Variants in PACS2 observed in about 807,000 individuals in gnomAD.
PACS2 encodes phosphofurin acidic cluster sorting protein 2, also known as PACS1-like protein.
In PACS2, 36 loss-of-function variants were observed where a neutral mutation model predicts 113.0. That is an observed-to-expected ratio of 0.32 (90% CI 0.24 to 0.42). The LOEUF (loss-of-function observed/expected upper bound fraction) is 0.42. Ranked by LOEUF, PACS2 falls within the 10% of genes least tolerant of loss-of-function variation. The probability of loss-of-function intolerance (pLI) is 1.00; values close to 1 mark genes in which losing one functional copy is unlikely to be tolerated. For synonymous variants in PACS2, 589 were observed against 536.1 expected (o/e 1.10, Z -1.36); for missense variants, 1,015 against 1,239.5 (o/e 0.82, Z 2.72).
chr14:105,382,963 C>G (rs1555412507), intron 15 of PACS2, 50 bp downstream of exon 15: 1 of 1,087,672 alleles, frequency 9.2e-7, no homozygotes, highest in African/African-American at 1.5e-5. Context: ...CCTCGGGGTC[C>G]CTGCACCCCC....
rs587660093 is a variant in PACS2, at chr14:105,367,341, C to T, written c.552C>T (p.Ser184=). The change falls in exon 5 of 25, where the codon AGC becomes AGT. Residue 184 remains serine (S), a synonymous_variant. Transcript: ENST00000447393. ...GCCAGCCCATTGACCACGAAGACAG[C>T]ACCATGCAGGCCGGCCCCAAGGCCA... ...LSSQPIDHED[S]TMQAGPKAKS... is the part of the protein sequence containing the mutation. The T allele has an allele frequency of 6.2e-6, 10 of 1,613,392 alleles. No homozygotes were observed. The African/African-American group carries it at 1.1e-4, about 17-fold the overall frequency.
Position 105,357,636 on chromosome 14 carries a change from G to C in PACS2, c.423+2459G>C, listed in dbSNP as rs1419232926. 6.6e-6 allele frequency among the ~76,000 whole-genome samples: 1 copy of C among 152,182 alleles called. No individual in the cohort carries two copies. Among genetic ancestry groups the C allele is most frequent in the African/African-American group, 2.4e-5 (1 of 41,450 alleles). On this transcript the variant is annotated intron_variant, in intron 4 of 24. Transcript: ENST00000447393. The surrounding 1 kb of genome is among the most constrained non-coding windows in gnomAD (Gnocchi z 5.1). Reference sequence around the variant, plus strand: ...TCCCACCTGTGAGCGTTGCTGGCTTGTTGAGAGTATGAGCACGGGAGATTG... The same window carrying C: ...TCCCACCTGTGAGCGTTGCTGGCTTCTTGAGAGTATGAGCACGGGAGATTG...
In PACS2 at chr14:105,397,128, C is replaced by G. The variant is rs997557211; in HGVS notation, c.*2456C>G. On this transcript the variant is annotated 3_prime_UTR_variant, in exon 25 of 25. Coordinates refer to ENST00000447393, the MANE Select transcript of PACS2 (RefSeq NM_001100913.3). ...GCCCTGCACCCAGGAGCCCCACGGT[C>G]CATCCCCCACACCATGCCCAGCACC... The G allele has an allele frequency of 2.6e-5, 4 of 152,324 alleles. No individual in the cohort carries two copies. The highest frequency in any genetic ancestry group is 5.9e-5 in the Non-Finnish European group (4 of 68,112). 9.4% of individuals were successfully genotyped at this position (152,324 alleles called of 1,614,324 possible).
chr14:105,302,261 T>G (rs1182972337), intron 1 of PACS2, among the ~76,000 whole-genome samples: 1 of 149,326 alleles, frequency 6.7e-6, no homozygotes, highest in Admixed American at 6.7e-5. Flanking sequence ...TGGAGTGCAG[T>G]GGTGAGATAT....
rs1313577658 is a variant in PACS2, at chr14:105,376,037, C to T, written c.802-731C>T. ...GCACCTTCTTTATGGGGCAGCAGGT[C>T]GGAGTGGGTGCCTGCAGGGGAAATA... On this transcript the variant is annotated intron_variant, in intron 8 of 24. Coordinates refer to ENST00000447393, the MANE Select transcript of PACS2 (RefSeq NM_001100913.3). The surrounding 1 kb of genome is among the most constrained non-coding windows in gnomAD (Gnocchi z 4.7). Among the ~76,000 whole-genome samples, 2 of 152,226 alleles carry T rather than the reference C, an allele frequency of 1.3e-5. No individual in the cohort carries two copies. The highest frequency in any genetic ancestry group is 2.4e-5 in the African/African-American group (1 of 41,518).
chr14:105,382,924 C>T lies in PACS2; in HGVS notation c.1625+11C>T, dbSNP rs372584455. On this transcript the variant is annotated intron_variant, in intron 15 of 24. Transcript: ENST00000447393. ...ACGGATACAGAGATAGTGAGTTGGG[C>T]TCCACCCTGTACTCACCACCCAAGT... is the stretch of plus-strand genomic sequence containing the variant. 7 of 1,523,596 alleles carry T rather than the reference C, an allele frequency of 4.6e-6. No individual in the cohort carries two copies. The highest frequency in any genetic ancestry group is 4.1e-5 in the African/African-American group (3 of 73,390). 94.4% of individuals were successfully genotyped at this position (1,523,596 alleles called of 1,614,324 possible).
chr14:105,382,689 G>C (rs1052165326), intron 14 of PACS2, 108 bp downstream of exon 14: 2 of 958,520 alleles, frequency 2.1e-6, no homozygotes, highest in Non-Finnish European at 3.3e-6. Context: ...GCTGCTGGCT[G>C]TGGTTTGCCT....
At chr14:105,390,181 G>A (rs990759773) in intron 20 of PACS2, 178 bp downstream of exon 20, 5 of 681,568 alleles carry the variant, frequency 7.3e-6, no homozygotes, top group Middle Eastern at 2.7e-4. Context: ...GCTGGAGTGG[G>A]GTGTGGGGCC....
In PACS2 at chr14:105,367,372, A is replaced by G. The variant is rs374570964; in HGVS notation, c.583A>G (p.Thr195Ala). 5.0e-6 allele frequency: 8 copies of G among 1,612,866 alleles called. 1 individual carries two copies. The highest frequency in any genetic ancestry group is 4.2e-6 in the Non-Finnish European group (5 of 1,179,844). The part of the protein sequence containing the change: ...TMQAGPKAKS[T>A]DNYSEEEYES... ...GCAGGCCGGCCCCAAGGCCAAGTCCACGGGTGAGTGTGGTGCCAGCCCGCT... is the reference window on the plus strand; with the variant it reads ...GCAGGCCGGCCCCAAGGCCAAGTCCGCGGGTGAGTGTGGTGCCAGCCCGCT... Residue 195 changes from threonine to alanine, a missense_variant, in exon 5 of 25, where the codon ACG (threonine) becomes GCG (alanine). Transcript: ENST00000447393.
chr14:105,325,717 A>C (rs1019105988), intron 1 of PACS2, among the ~76,000 whole-genome samples: 2 of 152,212 alleles, frequency 1.3e-5, no homozygotes, highest in Non-Finnish European at 1.5e-5. Context: ...CTTCCCTGGC[A>C]GGCCAGGATG....
intron 4 of PACS2, among the ~76,000 whole-genome samples, chr14:105,362,247 T>C (rs1438683297): frequency 2.1e-5 from 3 of 145,792 alleles, no homozygotes; most frequent in East Asian, 2.1e-4. Context: ...TGAAACACCG[T>C]CTCTACTGAA....
At chr14:105,301,433 AG>A (rs587687991) in intron 1 of PACS2, among the ~76,000 whole-genome samples, 1 of 101,930 alleles carries the variant, frequency 9.8e-6, no homozygotes, top group Non-Finnish European at 2.0e-5. Flanking sequence ...GCTTGAGGCG[AG>A]GGGGCCGAGC....
At position 105,362,141 on chromosome 14, in the gene PACS2, A is replaced by G. The variant is rs145861435; in HGVS notation, c.424-5072A>G. On this transcript the variant is annotated intron_variant, in intron 4 of 24. Transcript: ENST00000447393. The stretch of plus-strand genomic sequence containing the variant: ...CTGTCTCAAAAAAAAAGAATGGGCC[A>G]GGTGTGGTGGCTCACGCCTGTCATC... 5.7e-3 allele frequency among the ~76,000 whole-genome samples: 844 copies of G among 149,276 alleles called. 4 individuals are homozygous for G. Among genetic ancestry groups the G allele is most frequent in the Admixed American group, 0.013 (192 of 15,014 alleles).
intron 21 of PACS2, 134 bp from the exon 22 acceptor site, chr14:105,391,497 C>T: frequency 2.6e-6 from 2 of 776,952 alleles, no homozygotes; most frequent in Non-Finnish European, 4.1e-6. Flanking sequence ...CCGTCTCTCA[C>T]AGGCCACTGG....
chr14:105,364,386 C>T (rs1234312128), intron 4 of PACS2, among the ~76,000 whole-genome samples: 4,923 of 98,072 alleles, frequency 0.05, 624 homozygotes, highest in African/African-American at 0.21. Context: ...CCCGGGTGCG[C>T]GGTGGGCGGT....
chr14:105,326,974 G>C (rs587625902), intron 1 of PACS2, among the ~76,000 whole-genome samples: 51 of 152,324 alleles, frequency 3.3e-4, no homozygotes, highest in African/African-American at 1.2e-3. Flanking sequence ...AAAGGTTGTC[G>C]CGCCTTGGAA....
chr14:105,307,304 A>G lies in PACS2; in HGVS notation c.-83+6325A>G, dbSNP rs190139152. 6.7e-4 allele frequency among the ~76,000 whole-genome samples: 102 copies of G among 152,104 alleles called. No homozygotes were observed. In the East Asian group the frequency reaches 0.02, roughly 29 times the overall value. On this transcript the variant is annotated intron_variant, in intron 1 of 23. Transcript: ENST00000430725. ...CCTGAACACTAGCCCCCTGCCCTAA[A>G]TCACCCCAAGGCCAGGTACCAGCTA...
chr14:105,382,366 G>A (rs1010765830), intron 13 of PACS2, 111 bp from the exon 14 acceptor site: 10 of 753,576 alleles, frequency 1.3e-5, no homozygotes, highest in Non-Finnish European at 2.1e-5. Context: ...TCCTGCCACC[G>A]AGCCTCTGTG....
intron 4 of PACS2, 60 bp from the exon 5 acceptor site, chr14:105,367,153 C>T (rs1430345524): frequency 6.6e-7 from 1 of 1,504,714 alleles, no homozygotes; most frequent in Non-Finnish European, 9.2e-7. Flanking sequence ...GCCCACACAT[C>T]AGGGCACCGG....
Sources: gnomAD v4.1 joint callset for allele counts (sites outside exome capture counted in the v4.1 genomes callset) on GRCh38, gnomAD v4.1.1 for gene constraint, Gnocchi (gnomAD v3.1) non-coding constraint, MANE v1.5 for transcripts, NCBI Gene and HGNC (gene_info 2026-07-23, HGNC 2026-07-21) for gene names.